The following PLAGL1 variants were observed in gnomAD, a reference collection of about 807,000 sequenced individuals.
PLAGL1 encodes the protein zinc finger protein PLAGL1.
PLAGL1 carries 1 observed loss-of-function variant against 4.6 expected under a neutral mutation model. The ratio of observed to expected loss-of-function variants is 0.22; its 90% CI spans 0.08 to 1.03. PLAGL1 has a LOEUF of 1.03. Ranked by LOEUF, PLAGL1 falls within the 50% of genes least tolerant of loss-of-function variation. The probability of loss-of-function intolerance (pLI) is 0.58; values close to 1 mark genes in which losing one functional copy is unlikely to be tolerated. For missense variants in PLAGL1, 464 were observed against 570.4 expected, an observed-to-expected ratio of 0.81 and a Z score of 1.90; for synonymous variants, 240 against 237.8, an observed-to-expected ratio of 1.01 and a Z score of -0.08.
chr6:144,052,910 C>T (rs1205511019), intron 1 of PLAGL1, among the ~76,000 whole-genome samples: 1 of 152,182 alleles, frequency 6.6e-6, no homozygotes, highest in Non-Finnish European at 1.5e-5. Context: ...AATTGAACTA[C>T]TCCTTGTTTC....
upstream of PLAGL1, among the ~76,000 whole-genome samples, chr6:144,013,386 A>T (rs1795326355): frequency 6.6e-6 from 1 of 152,212 alleles, no homozygotes; most frequent in African/African-American, 2.4e-5. This position sits in a 1 kb window ranked among gnomAD's most constrained non-coding sequence, Gnocchi z 4.4. Flanking sequence ...TTTTCAATTG[A>T]TGCAAAAAGA....
chr6:143,951,721 A>T (rs1278302296), intron 6 of PLAGL1, among the ~76,000 whole-genome samples: 1 of 152,234 alleles, frequency 6.6e-6, no homozygotes, highest in African/African-American at 2.4e-5. Context: ...AAGGTGAGGC[A>T]CATTTCCTCC....
At chr6:143,987,619 A>G (rs1018165777) in intron 1 of PLAGL1, among the ~76,000 whole-genome samples, 2 of 151,618 alleles carry the variant, frequency 1.3e-5, no homozygotes, top group Non-Finnish European at 2.9e-5. Context: ...TTCAGACACC[A>G]CCCTACGATG....
intron 1 of PLAGL1, among the ~76,000 whole-genome samples, chr6:144,058,651 T>G (rs1034112604): frequency 6.6e-6 from 1 of 152,172 alleles, no homozygotes; most frequent in Non-Finnish European, 1.5e-5. Flanking sequence ...TGGGTAAACA[T>G]TCCCATTTCT....
chr6:143,993,965 T>C (rs79924684), intron 1 of PLAGL1, among the ~76,000 whole-genome samples: 16,492 of 151,704 alleles, frequency 0.11, 947 homozygotes, highest in East Asian at 0.18. Context: ...CAGTACTCTA[T>C]ATGCAGGATA....
intron 1 of PLAGL1, among the ~76,000 whole-genome samples, chr6:144,062,722 G>A (rs1315597043): frequency 6.6e-6 from 1 of 152,152 alleles, no homozygotes; most frequent in African/African-American, 2.4e-5. Context: ...CAACTTAACA[G>A]AGAGGGCTAG....
rs1229457179 is a variant in PLAGL1 at position 143,948,112 on chromosome 6, A to G, written c.25T>C (p.Cys9Arg). Residue 9 changes from cysteine to arginine, a missense_variant, in exon 7 of 8, where the codon TGT (cysteine) becomes CGT (arginine). Cys to Arg is a radical substitution (Grantham distance 180). Transcript: ENST00000674357. The surrounding 1 kb of genome is among the most constrained non-coding windows in gnomAD (Gnocchi z 6.0). MATFPCQL[C>R]GKTFLTLEKF... ...TCCAGGGTGAGGAACGTCTTGCCAC[A>G]TAACTGGCAGGGGAACGTGGCCATG... 1.9e-6 allele frequency: 3 copies of G among 1,613,740 alleles called. No individual in the cohort carries two copies. The highest frequency in any genetic ancestry group is 2.2e-5 in the South Asian group (2 of 91,062).
At position 143,942,496 on chromosome 6, in the gene PLAGL1, T is replaced by C; in HGVS notation, c.320A>G (p.Lys107Arg). ...GGCCGCATGGAGGGCCAGGTGCCTC[T>C]TATAGCCCAGCATGGTGTTGTACTT... ...GKKYNTMLGY[K>R]RHLALHAASS... is the part of the protein sequence containing the mutation. Residue 107 changes from lysine (K) to arginine (R), a missense_variant, in exon 8 of 8, where the codon AAG becomes AGG. Coordinates refer to ENST00000674357, the MANE Select transcript of PLAGL1 (RefSeq NM_001317162.2). This position sits in a 1 kb window ranked among gnomAD's most constrained non-coding sequence, Gnocchi z 7.6. 8 of 1,614,162 alleles carry C rather than the reference T, an allele frequency of 5.0e-6. No homozygotes were observed. The highest frequency in any genetic ancestry group is 6.8e-6 in the Non-Finnish European group (8 of 1,180,020).
Position 143,941,485 on chromosome 6 carries a change from T to A in PLAGL1, c.1331A>T (p.His444Leu). ...AGAGCCAGTGCCAGCTGAGAACACATGAGGGATGGGGGGCAGGGGGAGCTG... is the reference window on the plus strand; with the variant it reads ...AGAGCCAGTGCCAGCTGAGAACACAAGAGGGATGGGGGGCAGGGGGAGCTG... ...LGQLPLPPIP[H>L]VFSAGTGSAI... Residue 444 changes from histidine (H) to leucine (L), a missense_variant, in exon 8 of 8, where the codon CAT becomes CTT. Around this residue, in one of 4 missense-constraint regions of PLAGL1, gnomAD observed 20 missense variants for 46.3 expected, o/e 0.43. Transcript: ENST00000674357. This position sits in a 1 kb window ranked among gnomAD's most constrained non-coding sequence, Gnocchi z 6.0. The A allele has an allele frequency of 1.3e-6, 2 of 1,521,364 alleles. No homozygotes were observed. The highest frequency in any genetic ancestry group is 2.6e-5 in the South Asian group (2 of 75,566). The allele number at this position is 1,521,364 out of a possible 1,614,324, so 94.2% of individuals were successfully genotyped here.
chr6:143,948,268 A>G lies in PLAGL1; in HGVS notation c.-132T>C. The G allele has an allele frequency of 1.3e-6, 1 of 751,356 alleles. No individual in the cohort carries two copies. The highest frequency in any genetic ancestry group is 1.8e-5 in the South Asian group (1 of 56,386). 46.5% of individuals were successfully genotyped at this position (751,356 alleles called of 1,614,324 possible). A position where few individuals can be genotyped will look rare whatever the true frequency, so the allele number is the denominator to read the frequency against. ...CTGAACTCCAGACCACGGGAGAGGC[A>G]GCATCGTGGGCCTGGTTCTACCCAG... On this transcript the variant is annotated 5_prime_UTR_variant, in exon 7 of 8. Transcript: ENST00000674357. This position sits in a 1 kb window ranked among gnomAD's most constrained non-coding sequence, Gnocchi z 6.0.
rs1199744313 is a variant in PLAGL1, at chr6:143,948,894, T to G, written c.-324-434A>C. Among the ~76,000 whole-genome samples, 1 of 152,246 alleles carries G rather than the reference T, an allele frequency of 6.6e-6. No individual in the cohort carries two copies. The highest frequency in any genetic ancestry group is 1.5e-5 in the Non-Finnish European group (1 of 68,048). ...ACCACGGGCTCTTCCTCATCACTCA[T>G]TGTTGGCATAACATTAGTTGCTTAT... On this transcript the variant is annotated intron_variant, in intron 6 of 7. Coordinates refer to ENST00000674357, the MANE Select transcript of PLAGL1 (RefSeq NM_001317162.2). The surrounding 1 kb of genome is among the most constrained non-coding windows in gnomAD (Gnocchi z 6.0).
At chr6:143,993,635 G>A (rs1049761687) in intron 1 of PLAGL1, among the ~76,000 whole-genome samples, 18 of 152,058 alleles carry the variant, frequency 1.2e-4, no homozygotes, top group Non-Finnish European at 1.8e-4. Context: ...TAATATATCC[G>A]TTAAATCTTT....
chr6:143,946,183 A>G (rs1027931711), intron 7 of PLAGL1, among the ~76,000 whole-genome samples: 6 of 152,222 alleles, frequency 3.9e-5, no homozygotes, highest in Non-Finnish European at 8.8e-5. Context: ...TGTACTTTCA[A>G]TCTGCATCTG....
chr6:144,018,400 G>A (rs554228622), intron 1 of PLAGL1, among the ~76,000 whole-genome samples: 2 of 152,230 alleles, frequency 1.3e-5, no homozygotes, highest in African/African-American at 2.4e-5. Context: ...ATGGGGTAGC[G>A]GGTATTGGTC....
chr6:144,048,572 C>T lies in PLAGL1; in HGVS notation c.-151+15896G>A, dbSNP rs1020227384. 2.0e-5 allele frequency among the ~76,000 whole-genome samples: 3 copies of T among 152,240 alleles called. No individual in the cohort carries two copies. The highest frequency in any genetic ancestry group is 7.2e-5 in the African/African-American group (3 of 41,464). On this transcript the variant is annotated intron_variant, in intron 1 of 3. Coordinates refer to the PLAGL1 transcript ENST00000437412. The surrounding 1 kb of genome is among the most constrained non-coding windows in gnomAD (Gnocchi z 4.8). ...CTCCAAGGCTTACAGCTTGCAGTCT[C>T]TGAAGCAATGGCTTGAGCTGTATGT...
rs547031195 is a variant in PLAGL1, at chr6:144,024,523, G to A, written c.-151+39945C>T. On this transcript the variant is annotated intron_variant, in intron 1 of 3. Transcript: ENST00000437412. ...CTCTGTACAAGCTCTCTTGCCTGCC[G>A]CCATGTAAGACGTTCCATGCACTTC... Among the ~76,000 whole-genome samples the A allele has an allele frequency of 1.1e-4, 17 of 152,238 alleles. No homozygotes were observed. In the South Asian group the frequency reaches 2.3e-3, roughly 20 times the overall value.
rs1404356330 is a variant in PLAGL1, at chr6:143,953,129, T to C, written c.-324-4669A>G. On this transcript the variant is annotated intron_variant, in intron 6 of 7. Coordinates refer to ENST00000674357, the MANE Select transcript of PLAGL1 (RefSeq NM_001317162.2). This position sits in a 1 kb window ranked among gnomAD's most constrained non-coding sequence, Gnocchi z 5.3. ...TCTACCTGGCAAACTTCTACTTTTCTCTGTCACTGCCAGGCAGAGGCACGA... is the reference window on the plus strand; with the variant it reads ...TCTACCTGGCAAACTTCTACTTTTCCCTGTCACTGCCAGGCAGAGGCACGA... Among the ~76,000 whole-genome samples, 1 of 152,256 alleles carries C rather than the reference T, an allele frequency of 6.6e-6. No homozygotes were observed. The highest frequency in any genetic ancestry group is 1.9e-4 in the East Asian group (1 of 5,200).
Position 143,941,715 on chromosome 6 carries a change from T to C in PLAGL1, c.1101A>G (p.Ala367=). Residue 367 remains alanine, a synonymous_variant, in exon 8 of 8, where the codon GCA becomes GCG. Coordinates refer to ENST00000674357, the MANE Select transcript of PLAGL1 (RefSeq NM_001317162.2). The surrounding 1 kb of genome is among the most constrained non-coding windows in gnomAD (Gnocchi z 6.0). ...GKVNLPKELP[A]DAVNLTIPAS... is the part of the protein sequence containing the mutation. ...CAGGTATTGTTAGGTTCACAGCATC[T>C]GCAGGCAGCTCCTTGGGCAGGTTTA... 1 of 1,614,252 alleles carries C rather than the reference T, an allele frequency of 6.2e-7. No individual in the cohort carries two copies. The highest frequency in any genetic ancestry group is 1.7e-5 in the Admixed American group (1 of 60,032).
chr6:144,057,349 A>T (rs971289837), intron 1 of PLAGL1, among the ~76,000 whole-genome samples: 4 of 152,222 alleles, frequency 2.6e-5, no homozygotes, highest in African/African-American at 9.7e-5. Flanking sequence ...CTCCTAAACA[A>T]GTTGTTTATA....
Sources: allele counts gnomAD v4.1 joint callset (sites outside exome capture counted in the v4.1 genomes callset), GRCh38; gene constraint gnomAD v4.1.1; regional missense constraint gnomAD v4.1.1; non-coding constraint Gnocchi (gnomAD v3.1); transcripts MANE v1.5; gene names NCBI Gene and HGNC (gene_info 2026-07-23, HGNC 2026-07-21).